PDE11A: variants seen among roughly 807,000 people sequenced by gnomAD.
PDE11A encodes the protein dual 3',5'-cyclic-AMP and -GMP phosphodiesterase 11A.
A neutral mutation model predicts 100.5 loss-of-function variants in PDE11A; 100 were observed. The ratio of observed to expected loss-of-function variants is 1.00; its 90% CI spans 0.85 to 1.18. PDE11A has a LOEUF of 1.18. Among genes scored for constraint, PDE11A ranks in the 50% most tolerant of loss-of-function variants. The probability of loss-of-function intolerance (pLI) is 0.00; values close to 1 mark genes in which losing one functional copy is unlikely to be tolerated. For missense variants in PDE11A, 1,141 were observed against 1,152.6 expected (o/e 0.99, Z 0.15); for synonymous variants, 381 against 420.8 (o/e 0.91, Z 1.16).
At chr2:177,997,058 T>C (rs940483658) in intron 2 of PDE11A, among the ~76,000 whole-genome samples, 4 of 152,190 alleles carry the variant, frequency 2.6e-5, no homozygotes, top group Non-Finnish European at 5.9e-5. Context: ...AGATCATACA[T>C]ACAAAGGTAT....
intron 2 of PDE11A, among the ~76,000 whole-genome samples, chr2:178,001,275 A>AGAGTGTGTGTGTGTGTGTGT (rs370537196): frequency 1.4e-5 from 2 of 140,656 alleles, no homozygotes; most frequent in African/African-American, 5.2e-5. Context: ...ACAATGTGAA[A>AGAGTGTGTGTGTGTGTGTGT]GTGTGTGTGT....
chr2:177,661,263 G>C (rs2080482075), intron 19 of PDE11A, among the ~76,000 whole-genome samples: 1 of 152,134 alleles, frequency 6.6e-6, no homozygotes, highest in Non-Finnish European at 1.5e-5. Context: ...AATCACATCA[G>C]GGATTCCTGC....
chr2:177,994,808 CT>C (rs979270843), intron 2 of PDE11A, among the ~76,000 whole-genome samples: 2 of 150,638 alleles, frequency 1.3e-5, no homozygotes, highest in East Asian at 2.0e-4. Flanking sequence ...CTGGATGGGT[CT>C]TTTTTTTAAT....
chr2:177,866,934 C>A (rs1444480978), intron 5 of PDE11A, among the ~76,000 whole-genome samples: 1 of 152,208 alleles, frequency 6.6e-6, no homozygotes, highest in Admixed American at 6.5e-5. Context: ...CACTTTGGGA[C>A]ACTGCAAAGT....
chr2:177,674,466 A>G (rs1056292794), intron 17 of PDE11A, among the ~76,000 whole-genome samples: 3 of 152,132 alleles, frequency 2.0e-5, no homozygotes, highest in African/African-American at 7.2e-5. Context: ...CATCACTGCA[A>G]TCTCTGCCTT....
intron 2 of PDE11A, among the ~76,000 whole-genome samples, chr2:177,926,071 AG>A (rs2085121129): frequency 7.9e-6 from 1 of 127,110 alleles, no homozygotes; most frequent in South Asian, 2.6e-4. Flanking sequence ...AAGATAATAA[AG>A]ATAGTAGAAA....
intron 9 of PDE11A, among the ~76,000 whole-genome samples, chr2:177,781,396 CA>C (rs1025766238): frequency 4.0e-4 from 61 of 152,250 alleles, no homozygotes; most frequent in African/African-American, 1.3e-3. Context: ...AAATGTGACA[CA>C]AAAACACAAA....
intron 2 of PDE11A, among the ~76,000 whole-genome samples, chr2:178,005,188 C>CAT (rs1182111037): frequency 9.6e-4 from 146 of 152,014 alleles, no homozygotes; most frequent in South Asian, 6.1e-3. Flanking sequence ...GTTGAAGAGT[C>CAT]AGTCACAATT....
intron 2 of PDE11A, among the ~76,000 whole-genome samples, chr2:178,099,269 TACA>T (rs2087532480): frequency 6.6e-6 from 1 of 151,584 alleles, no homozygotes; most frequent in Admixed American, 6.6e-5. Context: ...CTACTAAAAA[TACA>T]ACAACAGCAA....
intron 1 of PDE11A, among the ~76,000 whole-genome samples, chr2:178,029,911 A>T (rs572056170): frequency 9.2e-5 from 14 of 151,982 alleles, no homozygotes; most frequent in African/African-American, 3.4e-4. Flanking sequence ...TCTCCCCAGC[A>T]CTCTTTGCCC....
At chr2:177,838,249 C>A (rs569468437) in intron 6 of PDE11A, among the ~76,000 whole-genome samples, 3 of 152,256 alleles carry the variant, frequency 2.0e-5, no homozygotes, top group African/African-American at 7.2e-5. Context: ...CTTTCCTAGC[C>A]TTGCTCTTAA....
intron 2 of PDE11A, among the ~76,000 whole-genome samples, chr2:177,989,737 T>A: frequency 6.6e-6 from 1 of 152,108 alleles, no homozygotes; most frequent in East Asian, 1.9e-4. Flanking sequence ...TCCACTGGAA[T>A]CCTCCAGCCT....
At chr2:178,023,637 A>G (rs2086441506) in intron 1 of PDE11A, among the ~76,000 whole-genome samples, 1 of 152,230 alleles carries the variant, frequency 6.6e-6, no homozygotes, top group South Asian at 2.1e-4. Flanking sequence ...TAGGTCCTTC[A>G]TAGCCAAAAT....
intron 4 of PDE11A, among the ~76,000 whole-genome samples, chr2:177,882,259 T>G (rs10171247): frequency 0.1 from 15,414 of 152,214 alleles, 975 homozygotes; most frequent in African/African-American, 0.18. Flanking sequence ...GAATTGAAAA[T>G]ATAATGCATT....
At chr2:178,023,883 G>A (rs762580293) in intron 1 of PDE11A, among the ~76,000 whole-genome samples, 10 of 152,132 alleles carry the variant, frequency 6.6e-5, no homozygotes, top group Non-Finnish European at 1.2e-4. Context: ...AATAAGATAT[G>A]CATGTATATA....
intron 15 of PDE11A, among the ~76,000 whole-genome samples, chr2:177,690,244 A>T (rs1559144580): frequency 6.6e-6 from 1 of 152,198 alleles, no homozygotes; most frequent in Non-Finnish European, 1.5e-5. Flanking sequence ...ATAATATATA[A>T]TTTCAATGAG....
intron 9 of PDE11A, among the ~76,000 whole-genome samples, chr2:177,772,823 TTTTG>T (rs1251260997): frequency 6.6e-6 from 1 of 152,192 alleles, no homozygotes; most frequent in African/African-American, 2.4e-5. Flanking sequence ...CAATAGTTTG[TTTTG>T]TTTGTTATTG....
At chr2:178,073,983 C>T (rs1406204477), upstream of PDE11A, among the ~76,000 whole-genome samples, 1 of 151,844 alleles carries the variant, frequency 6.6e-6, no homozygotes, top group Non-Finnish European at 1.5e-5. Flanking sequence ...AAATGTCCAT[C>T]AGCTGAGGAA....
intron 9 of PDE11A, among the ~76,000 whole-genome samples, chr2:177,798,848 C>A (rs1165076956): frequency 1.3e-5 from 2 of 152,200 alleles, no homozygotes; most frequent in East Asian, 3.9e-4. Context: ...GCATAACTCC[C>A]CACTCCTTAG....
Sources: gnomAD v4.1 joint callset for allele counts (sites outside exome capture counted in the v4.1 genomes callset) on GRCh38, gnomAD v4.1.1 for gene constraint, MANE v1.5 for transcripts, NCBI Gene and HGNC (gene_info 2026-07-23, HGNC 2026-07-21) for gene names.